Variants in TYW1B observed in about 807,000 individuals in gnomAD.
TYW1B encodes the protein tRNA-yW synthesizing protein 1 homolog B.
In TYW1B, 73 loss-of-function variants were observed where a neutral mutation model predicts 86.9. The observed-to-expected ratio is 0.84, with a 90% CI of 0.70 to 1.02. The LOEUF (loss-of-function observed/expected upper bound fraction) is 1.02. Ranked by LOEUF, TYW1B falls within the 50% of genes least tolerant of loss-of-function variation. The pLI is 0.00. For synonymous variants in TYW1B, 248 were observed against 292.8 expected (o/e 0.85, Z 1.56); for missense variants, 637 against 827.4 (o/e 0.77, Z 2.82).
chr7:72,789,841 ACACAGTGTAC>A, intron 6 of TYW1B, among the ~76,000 whole-genome samples: 1 of 151,990 alleles, frequency 6.6e-6, no homozygotes, highest in East Asian at 1.9e-4. Flanking sequence ...AATAGATGAA[ACACAGTGTAC>A]AATAAAGAAT....
chr7:72,629,552 CTTTA>C (rs1554439522), intron 11 of TYW1B, among the ~76,000 whole-genome samples: 3 of 152,000 alleles, frequency 2.0e-5, no homozygotes, highest in Non-Finnish European at 4.4e-5. Flanking sequence ...TTCTTTTCTT[CTTTA>C]TTTTTTTAGA....
chr7:72,705,474 T>C (rs545394050), intron 10 of TYW1B, among the ~76,000 whole-genome samples: 14 of 152,346 alleles, frequency 9.2e-5, no homozygotes, highest in South Asian at 4.1e-4. Context: ...AAGTTAATCA[T>C]GTCATAGTTA....
Position 72,728,874 on chromosome 7 carries a change from C to T in TYW1B, c.1140G>A (p.Met380Ile), listed in dbSNP as rs782493809. ...EWLWKMDQPE[M>I]ILKEAIENHQ... ...GGTTTTCAATGGCTTCCTTCAAGAT[C>T]ATTTCAGGCTGGTCCATCTTCCACA... Residue 380 changes from methionine to isoleucine, a missense_variant, in exon 9 of 14, where the codon ATG becomes ATA. Met to Ile is a conservative substitution (Grantham distance 10). Coordinates refer to ENST00000620995, the MANE Select transcript of TYW1B (RefSeq NM_001145440.3). 6 of 1,613,902 alleles carry T rather than the reference C, an allele frequency of 3.7e-6. No homozygotes were observed. The highest frequency in any genetic ancestry group is 4.2e-6 in the Non-Finnish European group (5 of 1,179,948).
intron 3 of TYW1B, among the ~76,000 whole-genome samples, chr7:72,811,439 T>A (rs1788617164): frequency 6.6e-6 from 1 of 151,584 alleles, no homozygotes; most frequent in African/African-American, 2.4e-5. Context: ...TTCCTTAGAG[T>A]GGAAGCTGCT....
intron 11 of TYW1B, among the ~76,000 whole-genome samples, chr7:72,651,330 TAGAG>T (rs1440894214): frequency 1.3e-5 from 2 of 152,036 alleles, no homozygotes; most frequent in South Asian, 2.1e-4. Context: ...AAAAAAGAAA[TAGAG>T]AGGCCGGGCA....
intron 10 of TYW1B, among the ~76,000 whole-genome samples, chr7:72,703,007 TATATATATATATATATATA>T (rs1563064766): frequency 3.9e-4 from 11 of 28,112 alleles, no homozygotes; most frequent in East Asian, 5.6e-4. Context: ...TATATATATA[TATATATATATATATATATA>T]TTTTTTTTTT....
Position 72,746,331 on chromosome 7 carries a change from TAATAA to T in TYW1B, c.965-1735_965-1731del, listed in dbSNP as rs1347348967. Among the ~76,000 whole-genome samples the T allele has an allele frequency of 3.3e-5, 5 of 152,084 alleles. No homozygotes were observed. In the East Asian group the frequency reaches 7.7e-4, roughly 23 times the overall value. The stretch of plus-strand genomic sequence containing the variant: ...TGCCTACAAACCTCTTCCAAGTTCC[TAATAA>T]AATGTACAAGGCAGCAAACAAAACA... On this transcript the variant is annotated intron_variant, in intron 7 of 13. Transcript: ENST00000620995.
At chr7:72,679,074 C>G (rs1234450780) in intron 11 of TYW1B, among the ~76,000 whole-genome samples, 2 of 152,010 alleles carry the variant, frequency 1.3e-5, no homozygotes, top group African/African-American at 4.8e-5. Flanking sequence ...TGCATCCAGT[C>G]TGCCAATAGA....
chr7:72,777,530 C>T lies in TYW1B; in HGVS notation c.850G>A (p.Glu284Lys). ...IMDHVKKEKR[E>K]KEQQEEKSGL... ...GACTTCTCTTCCTGCTGTTCCTTTT[C>T]TCTCTGCATTAAAATAAAAGAATGA... The change falls in exon 7 of 14, where the codon GAA (glutamate) becomes AAA (lysine). Residue 284 changes from glutamate (E) to lysine (K), a missense_variant. Glu to Lys is a moderately conservative substitution (Grantham distance 56, BLOSUM62 1). Coordinates refer to ENST00000620995, the MANE Select transcript of TYW1B (RefSeq NM_001145440.3). 1 of 1,613,614 alleles carries T rather than the reference C, an allele frequency of 6.2e-7. No individual in the cohort carries two copies. Among genetic ancestry groups the T allele is most frequent in the Non-Finnish European group, 8.5e-7 (1 of 1,179,864 alleles).
At chr7:72,673,721 T>C (rs1813667661) in intron 11 of TYW1B, among the ~76,000 whole-genome samples, 1 of 152,190 alleles carries the variant, frequency 6.6e-6, no homozygotes, top group South Asian at 2.1e-4. Flanking sequence ...AAACTTAATT[T>C]AATTGTACAT....
chr7:72,749,912 GTT>G (rs35656387), intron 7 of TYW1B, among the ~76,000 whole-genome samples: 4 of 119,000 alleles, frequency 3.4e-5, no homozygotes, highest in Non-Finnish European at 4.9e-5. Flanking sequence ...GGTTTTTTTT[GTT>G]TTTTTTTTTT....
rs200012202 is a variant in TYW1B, at chr7:72,810,362, TTA to T, written c.432+107_432+108del. On this transcript the variant is annotated intron_variant, in intron 4 of 13. Transcript: ENST00000620995. ...TGGATTATTTCACATACATGTGTGTTTATGTGTGTGTACGTGTGTGCACGTGT... is the reference window on the plus strand; with the variant it reads ...TGGATTATTTCACATACATGTGTGTTTGTGTGTGTACGTGTGTGCACGTGT... 1.6e-3 allele frequency: 1,838 copies of T among 1,134,202 alleles called. 33 individuals are homozygous for T. In the African/African-American group the frequency reaches 0.027, roughly 17 times the overall value. The allele number at this position is 1,134,202 out of a possible 1,614,324, so 70.3% of individuals were successfully genotyped here. A position where few individuals can be genotyped will look rare whatever the true frequency, so the allele number is the denominator to read the frequency against.
chr7:72,604,132 T>C (rs191990628), intron 13 of TYW1B, among the ~76,000 whole-genome samples: 2 of 152,092 alleles, frequency 1.3e-5, no homozygotes, highest in Admixed American at 6.6e-5. Context: ...TTTCTGTAAG[T>C]CAAAAACTTC....
chr7:72,661,740 G>A (rs560727640), intron 11 of TYW1B, among the ~76,000 whole-genome samples: 9 of 152,054 alleles, frequency 5.9e-5, no homozygotes, highest in African/African-American at 1.9e-4. Context: ...TCACACAGAT[G>A]TTGTAGGATA....
At chr7:72,622,684 T>C (rs1812250063) in intron 12 of TYW1B, among the ~76,000 whole-genome samples, 1 of 150,662 alleles carries the variant, frequency 6.6e-6, no homozygotes, top group Middle Eastern at 3.2e-3. Context: ...ACATAACACA[T>C]ACACATGCAC....
At chr7:72,669,108 GCAAA>G (rs1585889899) in intron 11 of TYW1B, among the ~76,000 whole-genome samples, 1 of 145,802 alleles carries the variant, frequency 6.9e-6, no homozygotes, top group Non-Finnish European at 1.5e-5. Context: ...ATTCTAAGAG[GCAAA>G]CAACCACTAT....
intron 13 of TYW1B, among the ~76,000 whole-genome samples, chr7:72,593,094 C>T (rs540116239): frequency 2.5e-4 from 32 of 127,596 alleles, no homozygotes; most frequent in Middle Eastern, 4.0e-3. Context: ...CCTGAGGTCC[C>T]GAGTTCAAGA....
intron 11 of TYW1B, among the ~76,000 whole-genome samples, chr7:72,674,925 C>T (rs779816778): frequency 6.0e-5 from 9 of 151,098 alleles, no homozygotes; most frequent in Non-Finnish European, 7.4e-5. Context: ...TCCTTAGAAA[C>T]GGATTTCTAG....
At position 72,683,965 on chromosome 7, in the gene TYW1B, T is replaced by C. The variant is rs565907256; in HGVS notation, c.1506+10722A>G. On this transcript the variant is annotated intron_variant, in intron 11 of 13. Coordinates refer to ENST00000620995, the MANE Select transcript of TYW1B (RefSeq NM_001145440.3). ...TGGAAATGAAGAATGGCCTTGAGACTAGACATGGCTGAGGACGAAATCTCT... is the reference window on the plus strand; with the variant it reads ...TGGAAATGAAGAATGGCCTTGAGACCAGACATGGCTGAGGACGAAATCTCT... 1.1e-4 allele frequency among the ~76,000 whole-genome samples: 16 copies of C among 152,278 alleles called. No individual in the cohort carries two copies. In the South Asian group the frequency reaches 1.2e-3, roughly 12 times the overall value.
Sources: gnomAD v4.1 joint callset for allele counts (sites outside exome capture counted in the v4.1 genomes callset) on GRCh38, gnomAD v4.1.1 for gene constraint, MANE v1.5 for transcripts, NCBI Gene and HGNC (gene_info 2026-07-23, HGNC 2026-07-21) for gene names.